The following CCDC7 variants were observed in gnomAD, a reference collection of about 807,000 sequenced individuals.
CCDC7 encodes the protein coiled-coil domain containing 7.
Under a neutral mutation model 196.9 loss-of-function variants are expected in CCDC7, and 183 were observed. That is an observed-to-expected ratio of 0.93 (90% CI 0.82 to 1.05). The LOEUF (loss-of-function observed/expected upper bound fraction) is 1.05. Among genes scored for constraint, CCDC7 ranks in the 50% least tolerant of loss-of-function variants. CCDC7 has a pLI of 0.00. For missense variants in CCDC7, 1,540 were observed against 1,482.2 expected (o/e 1.04, Z -0.64); for synonymous variants, 525 against 484.6 (o/e 1.08, Z -1.10).
chr10:32,588,082 A>G (rs1217897091), intron 18 of CCDC7, among the ~76,000 whole-genome samples: 4 of 152,204 alleles, frequency 2.6e-5, no homozygotes, highest in Admixed American at 2.6e-4. Context: ...CTTCTTCGCC[A>G]TGTGATGCCC....
At chr10:32,561,788 A>C (rs936122021) in intron 13 of CCDC7, among the ~76,000 whole-genome samples, 14 of 152,362 alleles carry the variant, frequency 9.2e-5, no homozygotes, top group Non-Finnish European at 1.3e-4. Flanking sequence ...GAAGGCAAGA[A>C]ATAAGTAAAA....
At chr10:32,594,263 A>T (rs1268491262) in intron 18 of CCDC7, among the ~76,000 whole-genome samples, 1 of 152,154 alleles carries the variant, frequency 6.6e-6, no homozygotes, top group African/African-American at 2.4e-5. Flanking sequence ...GAGGTCCTTC[A>T]CAGGCCCTGT....
chr10:32,722,698 G>T (rs2082582096), intron 25 of CCDC7, among the ~76,000 whole-genome samples: 1 of 151,942 alleles, frequency 6.6e-6, no homozygotes, highest in African/African-American at 2.4e-5. Context: ...ATTAATCTCT[G>T]TAAAGTTCCT....
At chr10:32,675,459 T>A (rs1289337569) in intron 21 of CCDC7, among the ~76,000 whole-genome samples, 2 of 152,332 alleles carry the variant, frequency 1.3e-5, no homozygotes, top group East Asian at 3.9e-4. Context: ...TTACTTTATA[T>A]TCTGTATCCA....
chr10:32,456,319 TAAAG>T lies in CCDC7; in HGVS notation c.444_447del (p.Glu149AsnfsTer22), dbSNP rs2034330123. The T allele has an allele frequency of 5.7e-6, 9 of 1,572,584 alleles. No individual in the cohort carries two copies. The highest frequency in any genetic ancestry group is 3.4e-5 in the Admixed American group (2 of 59,444). On this transcript the variant is annotated frameshift_variant, in exon 3 of 42. Coordinates refer to ENST00000639629, the Ensembl canonical transcript of CCDC7. LOFTEE classifies it high-confidence loss of function. Reference sequence around the variant, plus strand: ...TTGCAGCTCAGCTAGAAGAAGCACTTAAAGAAGAACAAAATGTATGTATTCTGTA... The same window carrying T: ...TTGCAGCTCAGCTAGAAGAAGCACTTAAGAACAAAATGTATGTATTCTGTA...
At chr10:32,684,527 C>G (rs73259466) in intron 21 of CCDC7, among the ~76,000 whole-genome samples, 2,673 of 152,294 alleles carry the variant, frequency 0.018, 86 homozygotes, top group African/African-American at 0.061. Context: ...GCTGTCCTGT[C>G]TCACTCCTCT....
chr10:32,694,987 A>G (rs747936317), exon 24 of CCDC7: 59 of 1,541,056 alleles, frequency 3.8e-5, no homozygotes, highest in Non-Finnish European at 4.9e-5. Flanking sequence ...GAGAAAAGAC[A>G]TAGTAGTAAG....
At chr10:32,670,985 G>T (rs895297489) in intron 21 of CCDC7, among the ~76,000 whole-genome samples, 1 of 152,024 alleles carries the variant, frequency 6.6e-6, no homozygotes, top group African/African-American at 2.4e-5. Context: ...TGTGTTTTAA[G>T]CTGTGTCATT....
chr10:32,800,011 A>G (rs1367339740), intron 29 of CCDC7, among the ~76,000 whole-genome samples: 1 of 152,218 alleles, frequency 6.6e-6, no homozygotes, highest in Non-Finnish European at 1.5e-5. Context: ...GTGGCCACAT[A>G]CCAGGTATCA....
chr10:32,571,548 C>T (rs1015844768), intron 15 of CCDC7, among the ~76,000 whole-genome samples: 2 of 152,082 alleles, frequency 1.3e-5, no homozygotes, highest in Non-Finnish European at 2.9e-5. Context: ...TATGGATCAG[C>T]TATTTTCTTG....
At chr10:32,725,516 T>C (rs1592083551) in intron 25 of CCDC7, 1 of 413,440 alleles carries the variant, frequency 2.4e-6, no homozygotes, top group East Asian at 7.1e-5. Context: ...TTTTAGAATA[T>C]TGTGTTCATG....
At chr10:32,798,675 A>G (rs2084140157) in intron 29 of CCDC7, among the ~76,000 whole-genome samples, 1 of 152,236 alleles carries the variant, frequency 6.6e-6, no homozygotes, top group African/African-American at 2.4e-5. Flanking sequence ...CAGCCCATGA[A>G]TCAGCATATA....
At chr10:32,783,469 G>A (rs1159661024) in intron 29 of CCDC7, among the ~76,000 whole-genome samples, 1 of 152,114 alleles carries the variant, frequency 6.6e-6, no homozygotes, top group African/African-American at 2.4e-5. Context: ...TCACTTCATA[G>A]CCATTAAGAT....
chr10:32,824,121 C>T (rs1172935131), intron 31 of CCDC7, among the ~76,000 whole-genome samples: 2 of 151,848 alleles, frequency 1.3e-5, no homozygotes, highest in East Asian at 3.9e-4. Context: ...CAGATATACC[C>T]CTACAACATA....
intron 21 of CCDC7, among the ~76,000 whole-genome samples, chr10:32,679,442 A>G (rs932842716): frequency 1.3e-5 from 2 of 152,172 alleles, no homozygotes; most frequent in Non-Finnish European, 2.9e-5. Context: ...TGATTGTGGC[A>G]CATATAAAGG....
intron 22 of CCDC7, among the ~76,000 whole-genome samples, chr10:32,688,549 T>A (rs1470654127): frequency 6.6e-6 from 1 of 152,208 alleles, no homozygotes; most frequent in Non-Finnish European, 1.5e-5. Context: ...CCACTAAACA[T>A]TATTTCATAG....
intron 21 of CCDC7, among the ~76,000 whole-genome samples, chr10:32,669,626 G>C (rs191872837): frequency 6.6e-6 from 1 of 151,992 alleles, no homozygotes; most frequent in Non-Finnish European, 1.5e-5. Context: ...CATGTGTCTA[G>C]GAATTATTCA....
At chr10:32,454,375 A>T (rs943473936) in intron 2 of CCDC7, among the ~76,000 whole-genome samples, 1 of 152,194 alleles carries the variant, frequency 6.6e-6, no homozygotes, top group African/African-American at 2.4e-5. Flanking sequence ...AAAGAACCAA[A>T]ACTAAAATCT....
At chr10:32,872,112 T>C (rs2094451588) in intron 41 of CCDC7, among the ~76,000 whole-genome samples, 1 of 152,132 alleles carries the variant, frequency 6.6e-6, no homozygotes, top group Admixed American at 6.6e-5. Context: ...TCTGTAGATG[T>C]CTATTAGTTC....
Sources: gnomAD v4.1 joint callset for allele counts (sites outside exome capture counted in the v4.1 genomes callset) on GRCh38, gnomAD v4.1.1 for gene constraint, MANE v1.5 for transcripts, NCBI Gene and HGNC (gene_info 2026-07-23, HGNC 2026-07-21) for gene names.